DOCK3: variants seen among roughly 807,000 people sequenced by gnomAD.
DOCK3 encodes the protein dedicator of cytokinesis protein 3.
In DOCK3, 60 loss-of-function variants were observed where a neutral mutation model predicts 265.6. The ratio of observed to expected loss-of-function variants is 0.23; its 90% CI spans 0.18 to 0.28. The LOEUF is 0.28. Among genes scored for constraint, DOCK3 ranks in the 10% least tolerant of loss-of-function variants. DOCK3 has a pLI of 1.00. For synonymous variants in DOCK3, 881 were observed against 938.0 expected (o/e 0.94, Z 1.11); for missense variants, 1,981 against 2,594.3 (o/e 0.76, Z 5.14).
intron 5 of DOCK3, among the ~76,000 whole-genome samples, chr3:51,047,961 G>C (rs973765280): frequency 6.6e-6 from 1 of 152,026 alleles, no homozygotes; most frequent in Admixed American, 6.6e-5. Context: ...CTATTCCTAA[G>C]AACCTAGATG....
At chr3:51,356,940 T>C in intron 43 of DOCK3, 22 bp from the exon 44 acceptor site, 3 of 1,601,940 alleles carry the variant, frequency 1.9e-6, no homozygotes, top group Non-Finnish European at 2.6e-6. Flanking sequence ...CTGGGATGAC[T>C]CTGTGTGCTG....
intron 27 of DOCK3, among the ~76,000 whole-genome samples, chr3:51,301,363 C>T (rs1407764660): frequency 2.6e-5 from 4 of 151,724 alleles, no homozygotes; most frequent in Non-Finnish European, 5.9e-5. Flanking sequence ...ATCCTGGATT[C>T]ATTGATTTTT....
chr3:51,370,551 G>A (rs1039090763), intron 49 of DOCK3, among the ~76,000 whole-genome samples: 2 of 152,236 alleles, frequency 1.3e-5, no homozygotes, highest in African/African-American at 4.8e-5. Flanking sequence ...CCTTCCAGCC[G>A]TTGACTGATT....
At chr3:51,343,038 G>C (rs2085339807) in intron 38 of DOCK3, among the ~76,000 whole-genome samples, 1 of 152,148 alleles carries the variant, frequency 6.6e-6, no homozygotes, top group African/African-American at 2.4e-5. Context: ...GAAACTATTA[G>C]GTGAGATTAA....
At chr3:51,021,918 C>T (rs971387295) in intron 5 of DOCK3, among the ~76,000 whole-genome samples, 5 of 152,078 alleles carry the variant, frequency 3.3e-5, no homozygotes, top group African/African-American at 1.2e-4. Flanking sequence ...GCCTCGGCCT[C>T]CCTAAGTGCT....
At chr3:50,858,038 T>C (rs1452508845) in intron 3 of DOCK3, among the ~76,000 whole-genome samples, 1 of 152,162 alleles carries the variant, frequency 6.6e-6, no homozygotes, top group Non-Finnish European at 1.5e-5. Context: ...CAAATGTCCA[T>C]CAATGATAGA....
intron 5 of DOCK3, among the ~76,000 whole-genome samples, chr3:50,949,639 A>G (rs1292364307): frequency 1.3e-5 from 2 of 152,128 alleles, no homozygotes; most frequent in African/African-American, 4.8e-5. Flanking sequence ...AGTCATTTAA[A>G]AATTATTGAT....
At chr3:51,313,402 G>A (rs1011271055) in intron 31 of DOCK3, among the ~76,000 whole-genome samples, 1 of 152,218 alleles carries the variant, frequency 6.6e-6, no homozygotes, top group Non-Finnish European at 1.5e-5. Flanking sequence ...CATATAAGAA[G>A]AGAACTGCAA....
intron 1 of DOCK3, among the ~76,000 whole-genome samples, chr3:50,769,848 A>G (rs531160804): frequency 9.9e-5 from 15 of 151,804 alleles, no homozygotes; most frequent in East Asian, 7.7e-4. Flanking sequence ...AGCCAGAGCA[A>G]TTAGGCAAGA....
intron 4 of DOCK3, among the ~76,000 whole-genome samples, chr3:50,900,223 G>T (rs2049112002): frequency 6.6e-6 from 1 of 151,410 alleles, no homozygotes; most frequent in Non-Finnish European, 1.5e-5. Flanking sequence ...ATTTCATTAA[G>T]TTGATCTTCA....
intron 7 of DOCK3, among the ~76,000 whole-genome samples, chr3:51,082,972 C>T (rs547037483): frequency 7.9e-5 from 12 of 152,096 alleles, no homozygotes; most frequent in African/African-American, 9.7e-5. Context: ...GCCATGTGTA[C>T]CACCACGGGG....
Position 50,990,239 on chromosome 3 carries a change from A to T in DOCK3, c.315+56162A>T, listed in dbSNP as rs549287502. Among the ~76,000 whole-genome samples the T allele has an allele frequency of 3.3e-5, 5 of 152,372 alleles. No individual in the cohort carries two copies. In the East Asian group the frequency reaches 7.7e-4, roughly 23 times the overall value. On this transcript the variant is annotated intron_variant, in intron 5 of 52. Transcript: ENST00000266037. ...AACGACTTGGAAAACATGTTTCAGG[A>T]TATCATTCATGAAAACTTCCCAACC...
chr3:50,718,771 A>ATTTTTTTTTTTTTT, intron 1 of DOCK3, among the ~76,000 whole-genome samples: 1 of 76,960 alleles, frequency 1.3e-5, no homozygotes, highest in Non-Finnish European at 2.4e-5. Context: ...TTGTGGGTTG[A>ATTTTTTTTTTTTTT]TTTTTTTTTT....
At position 50,782,407 on chromosome 3, in the gene DOCK3, C is replaced by T. The variant is rs534594305; in HGVS notation, c.121+3649C>T. Among the ~76,000 whole-genome samples the T allele has an allele frequency of 1.6e-3, 240 of 149,710 alleles. 1 individual carries two copies. Among genetic ancestry groups the T allele is most frequent in the African/African-American group, 5.6e-3 (227 of 40,722 alleles). On this transcript the variant is annotated intron_variant, in intron 2 of 52. Coordinates refer to ENST00000266037, the MANE Select transcript of DOCK3 (RefSeq NM_004947.5). ...CCGGGTTCACGCCATTCTCCTGCCT[C>T]AGCCTCCCGAGTAGCTGGGACTACA... is the stretch of plus-strand genomic sequence containing the variant.
chr3:50,815,619 A>AT (rs34790456), intron 2 of DOCK3, among the ~76,000 whole-genome samples: 14,284 of 146,300 alleles, frequency 0.098, 802 homozygotes, highest in Non-Finnish European at 0.13. Context: ...ACGGAAGGCA[A>AT]TTTTTTTTTT....
At chr3:51,262,138 G>A (rs1257542545) in intron 23 of DOCK3, among the ~76,000 whole-genome samples, 2 of 152,206 alleles carry the variant, frequency 1.3e-5, no homozygotes, top group East Asian at 3.9e-4. Context: ...TCCCAGTAGG[G>A]GATGACAGAC....
At chr3:51,227,612 A>G (rs2090385409) in intron 16 of DOCK3, among the ~76,000 whole-genome samples, 167 bp downstream of exon 16, 1 of 152,222 alleles carries the variant, frequency 6.6e-6, no homozygotes, top group Non-Finnish European at 1.5e-5. Flanking sequence ...TGGGACTATA[A>G]AAGCAGTGAT....
chr3:51,372,097 C>G (rs371365727), intron 49 of DOCK3, among the ~76,000 whole-genome samples: 1 of 152,180 alleles, frequency 6.6e-6, no homozygotes, highest in East Asian at 1.9e-4. Flanking sequence ...CTGTATCGGT[C>G]AATGAGAATA....
chr3:51,370,522 C>A (rs2087594475), intron 49 of DOCK3, among the ~76,000 whole-genome samples: 1 of 152,266 alleles, frequency 6.6e-6, no homozygotes, highest in Admixed American at 6.5e-5. Flanking sequence ...ACCTCACAGG[C>A]TGGCGGTTAC....
Sources: allele counts gnomAD v4.1 joint callset (sites outside exome capture counted in the v4.1 genomes callset), GRCh38; gene constraint gnomAD v4.1.1; transcripts MANE v1.5; gene names NCBI Gene and HGNC (gene_info 2026-07-23, HGNC 2026-07-21).